The following LRTM3 variants were observed in gnomAD, a reference collection of about 807,000 sequenced individuals.
The protein encoded by LRTM3 is leucine rich repeat transmembrane protein 3.
At chr13:102,746,096 A>G in the LRTM3 span, 2 of 1,550,932 alleles carry the variant, frequency 1.3e-6, no homozygotes, top group African/African-American at 2.7e-5. Flanking sequence ...TTCAGCTTCT[A>G]AAGGACCCAT....
At chr13:102,740,408 C>G in the LRTM3 span, 1 of 1,550,182 alleles carries the variant, frequency 6.5e-7, no homozygotes, top group Non-Finnish European at 8.7e-7. Context: ...TAAATTACCT[C>G]CTTCTGATAA....
chr13:102,750,033 A>C, the LRTM3 span: 1 of 1,550,176 alleles, frequency 6.5e-7, no homozygotes, highest in East Asian at 2.4e-5. Context: ...TCTACAGTGA[A>C]TCTAGATGCT....
At chr13:102,738,731 C>T in the LRTM3 span, 1 of 1,550,672 alleles carries the variant, frequency 6.4e-7, no homozygotes, top group Non-Finnish European at 8.7e-7. Context: ...GGCTTCCTCT[C>T]CTTCTATTGT....
chr13:102,731,575 A>G, the LRTM3 span: 2 of 1,551,450 alleles, frequency 1.3e-6, no homozygotes, highest in South Asian at 1.2e-5. Context: ...CGTCAGGCTT[A>G]TAGGCTTGTA....
chr13:102,751,789 T>A, the LRTM3 span, among the ~76,000 whole-genome samples: 1 of 152,280 alleles, frequency 6.6e-6, no homozygotes, highest in Non-Finnish European at 1.5e-5. Context: ...GCTAAATGAT[T>A]ACTTGTAGAA....
At chr13:102,733,171 A>G in the LRTM3 span, 1 of 1,551,400 alleles carries the variant, frequency 6.4e-7, no homozygotes, top group Non-Finnish European at 8.7e-7. Flanking sequence ...TCTTGTGCCC[A>G]TGTTCACACC....
chr13:102,743,714 A>G, the LRTM3 span: 1 of 1,549,410 alleles, frequency 6.5e-7, no homozygotes, highest in Non-Finnish European at 8.7e-7. Context: ...TACAGTTTTT[A>G]AATAGGATTT....
chr13:102,742,933 C>T, the LRTM3 span: 8 of 1,548,844 alleles, frequency 5.2e-6, no homozygotes, highest in Non-Finnish European at 7.0e-6. Context: ...ATTTCTCCAT[C>T]CTTGCGAGCC....
chr13:102,744,777 T>C, the LRTM3 span: 1 of 1,550,574 alleles, frequency 6.4e-7, no homozygotes, highest in African/African-American at 1.4e-5. Context: ...ATTGCATTAC[T>C]AGATCCACTT....
At chr13:102,740,481 T>C in the LRTM3 span, 25 of 1,550,150 alleles carry the variant, frequency 1.6e-5, no homozygotes, top group Non-Finnish European at 2.1e-5. Flanking sequence ...GGGCAAGATA[T>C]ATGCTCCCAA....
chr13:102,757,606 G>GGATAA, the LRTM3 span, among the ~76,000 whole-genome samples: 1 of 152,132 alleles, frequency 6.6e-6, no homozygotes, highest in African/African-American at 2.4e-5. Flanking sequence ...TTCATGTCCT[G>GGATAA]GAATGTCTTT....
chr13:102,746,660 G>A, the LRTM3 span: 2 of 1,551,032 alleles, frequency 1.3e-6, no homozygotes, highest in African/African-American at 1.4e-5. Context: ...CATCACTTTA[G>A]AACAAGATAA....
At chr13:102,731,689 A>T in the LRTM3 span, 16 of 1,551,378 alleles carry the variant, frequency 1.0e-5, no homozygotes, top group Non-Finnish European at 1.3e-5. Context: ...AATGTTCTGC[A>T]TTTGTACTGT....
chr13:102,734,056 C>CAGAT, the LRTM3 span: 4 of 1,551,438 alleles, frequency 2.6e-6, no homozygotes, highest in Non-Finnish European at 3.5e-6. Context: ...TTGACAGAAC[C>CAGAT]ACACATGCTT....
the LRTM3 span, among the ~76,000 whole-genome samples, chr13:102,751,820 G>T: frequency 6.6e-6 from 1 of 152,108 alleles, no homozygotes; most frequent in Admixed American, 6.6e-5. Flanking sequence ...AAAATGAAAT[G>T]CTAAGTCCCA....
the LRTM3 span, chr13:102,733,827 GCTCTGC>G: frequency 6.4e-7 from 1 of 1,551,412 alleles, no homozygotes; most frequent in Non-Finnish European, 8.7e-7. Context: ...GTCAACTGTT[GCTCTGC>G]CTCTGGGCGG....
chr13:102,754,266 T>C, the LRTM3 span, among the ~76,000 whole-genome samples: 3 of 149,446 alleles, frequency 2.0e-5, no homozygotes, highest in Non-Finnish European at 4.4e-5. Flanking sequence ...AATAATCCAA[T>C]GTAAGATCAG....
the LRTM3 span, chr13:102,759,045 C>T: frequency 1.6e-5 from 10 of 644,214 alleles, no homozygotes; most frequent in South Asian, 2.0e-4. Context: ...CAACATTTGG[C>T]CAGTGCTGCT....
chr13:102,754,340 C>T, the LRTM3 span, among the ~76,000 whole-genome samples: 3 of 151,634 alleles, frequency 2.0e-5, no homozygotes, highest in South Asian at 4.2e-4. Context: ...TCTCATGTCA[C>T]CTCCTGACAT....
Sources: gnomAD v4.1 joint callset for allele counts (sites outside exome capture counted in the v4.1 genomes callset) on GRCh38, gnomAD v4.1.1 for gene constraint, MANE v1.5 for transcripts, NCBI Gene and HGNC (gene_info 2026-07-23, HGNC 2026-07-21) for gene names.